FRMD4B: variants seen among roughly 807,000 people sequenced by gnomAD.
FRMD4B encodes the protein FERM domain containing 4B.
A neutral mutation model predicts 141.5 loss-of-function variants in FRMD4B; 74 were observed. That is an observed-to-expected ratio of 0.52 (90% CI 0.43 to 0.63). FRMD4B has a LOEUF of 0.63. Among genes scored for constraint, FRMD4B ranks in the 30% least tolerant of loss-of-function variants. The pLI, the probability that FRMD4B is intolerant of heterozygous loss-of-function variation, is 0.00. For synonymous variants in FRMD4B, 506 were observed against 467.9 expected (o/e 1.08, Z -1.05); for missense variants, 1,366 against 1,253.4 (o/e 1.09, Z -1.36).
intron 1 of FRMD4B, among the ~76,000 whole-genome samples, chr3:69,509,229 T>A (rs1706647904): frequency 2.0e-5 from 3 of 152,164 alleles, no homozygotes. Flanking sequence ...TCTGACCATT[T>A]TATTACCTCC....
At chr3:69,450,265 G>A (rs1262170399) in intron 1 of FRMD4B, among the ~76,000 whole-genome samples, 1 of 152,192 alleles carries the variant, frequency 6.6e-6, no homozygotes, top group Non-Finnish European at 1.5e-5. Flanking sequence ...GCTCTTGCCT[G>A]TAATCCCAGC....
chr3:69,306,956 A>G (rs903332489), intron 3 of FRMD4B, among the ~76,000 whole-genome samples: 3 of 152,206 alleles, frequency 2.0e-5, no homozygotes, highest in Non-Finnish European at 4.4e-5. Flanking sequence ...TGTGACCAAG[A>G]CATTCCAAGG....
At chr3:69,411,516 C>T (rs1296668668) in intron 2 of FRMD4B, among the ~76,000 whole-genome samples, 1 of 152,156 alleles carries the variant, frequency 6.6e-6, no homozygotes, top group Non-Finnish European at 1.5e-5. Context: ...ATATGAATCA[C>T]CCCAGGCTCC....
At chr3:69,364,544 A>G (rs1703580573) in intron 1 of FRMD4B, among the ~76,000 whole-genome samples, 1 of 152,178 alleles carries the variant, frequency 6.6e-6, no homozygotes, top group Non-Finnish European at 1.5e-5. Flanking sequence ...AAGTCTATAT[A>G]CAAACAAATC....
At chr3:69,336,568 C>A (rs1702558717) in intron 1 of FRMD4B, 1 of 152,358 alleles carries the variant, frequency 6.6e-6, no homozygotes, top group Non-Finnish European at 1.5e-5. Flanking sequence ...ATCCAAAAGG[C>A]TTTTGCACTG....
chr3:69,256,270 T>G lies in FRMD4B; in HGVS notation c.502-6171A>C, dbSNP rs75772091. ...ACTCACATCTCATTTCTCCTGAGGA[T>G]AGATCTACATGGAGGTAGGAATATG... On this transcript the variant is annotated intron_variant, in intron 5 of 22. Coordinates refer to ENST00000398540, the MANE Select transcript of FRMD4B (RefSeq NM_015123.3). Among the ~76,000 whole-genome samples the G allele has an allele frequency of 2.3e-3, 344 of 152,098 alleles. 1 individual carries two copies. Among genetic ancestry groups the G allele is most frequent in the African/African-American group, 8.0e-3 (332 of 41,468 alleles).
intron 7 of FRMD4B, among the ~76,000 whole-genome samples, chr3:69,239,738 GA>G (rs1489619261): frequency 6.6e-6 from 1 of 152,182 alleles, no homozygotes; most frequent in East Asian, 1.9e-4. Flanking sequence ...TTTCCAAGAT[GA>G]AAAAGTTCTG....
At chr3:69,357,664 T>G (rs1703361246) in intron 1 of FRMD4B, among the ~76,000 whole-genome samples, 1 of 152,206 alleles carries the variant, frequency 6.6e-6, no homozygotes, top group African/African-American at 2.4e-5. Context: ...AAACTATCAC[T>G]TTCATCACAG....
chr3:69,460,017 C>T (rs2106916958), intron 1 of FRMD4B, among the ~76,000 whole-genome samples: 1 of 152,282 alleles, frequency 6.6e-6, no homozygotes, highest in East Asian at 1.9e-4. Context: ...TAGTAAGGCA[C>T]TAGTAAATGT....
chr3:69,169,420 C>T lies in FRMD4B; in HGVS notation c.*2441G>A, dbSNP rs1000149990. On this transcript the variant is annotated 3_prime_UTR_variant, in exon 23 of 23. Coordinates refer to ENST00000398540, the MANE Select transcript of FRMD4B (RefSeq NM_015123.3). ...TTGCCTAGGCTGGAATGCAGTGGCACGATCCTGGCTCACTGCAACCTCCGC... is the reference window on the plus strand; with the variant it reads ...TTGCCTAGGCTGGAATGCAGTGGCATGATCCTGGCTCACTGCAACCTCCGC... Among the ~76,000 whole-genome samples, 10 of 146,420 alleles carry T rather than the reference C, an allele frequency of 6.8e-5. No individual in the cohort carries two copies. Among genetic ancestry groups the T allele is most frequent in the Non-Finnish European group, 1.5e-4 (10 of 67,238 alleles).
chr3:69,465,155 C>G (rs980042083), intron 1 of FRMD4B, among the ~76,000 whole-genome samples: 1 of 151,946 alleles, frequency 6.6e-6, no homozygotes, highest in Non-Finnish European at 1.5e-5. Context: ...CCCGTCTCTA[C>G]TAAAAATGCA....
At chr3:69,200,370 C>A in intron 11 of FRMD4B, 8 of 924,252 alleles carry the variant, frequency 8.7e-6, no homozygotes, top group Non-Finnish European at 1.0e-5. Flanking sequence ...AAGTTACATA[C>A]CCATTTCTTA....
At chr3:69,443,994 T>C (rs948642534) in intron 1 of FRMD4B, among the ~76,000 whole-genome samples, 2 of 152,130 alleles carry the variant, frequency 1.3e-5, no homozygotes, top group African/African-American at 2.4e-5. Flanking sequence ...TTCAGACTTT[T>C]GCATTTTGAT....
intron 4 of FRMD4B, among the ~76,000 whole-genome samples, chr3:69,295,774 C>T (rs1310327847): frequency 6.6e-6 from 1 of 151,990 alleles, no homozygotes; most frequent in Admixed American, 6.6e-5. Flanking sequence ...TTCTAATTTC[C>T]GTGTTCTCTA....
At chr3:69,490,910 C>T (rs1409303659) in intron 1 of FRMD4B, among the ~76,000 whole-genome samples, 2 of 152,074 alleles carry the variant, frequency 1.3e-5, no homozygotes, top group Non-Finnish European at 2.9e-5. Context: ...CTCCAAAACC[C>T]CACCCTCATT....
chr3:69,360,468 T>TC (rs1703441310), intron 1 of FRMD4B, among the ~76,000 whole-genome samples: 1 of 152,210 alleles, frequency 6.6e-6, no homozygotes, highest in Admixed American at 6.5e-5. Flanking sequence ...ATGTCTTTTT[T>TC]CCCCAAGTTT....
chr3:69,480,898 G>T (rs1024258633), intron 1 of FRMD4B, among the ~76,000 whole-genome samples: 2 of 152,232 alleles, frequency 1.3e-5, no homozygotes, highest in African/African-American at 4.8e-5. Flanking sequence ...GTTTACCTAA[G>T]CAAGCCTGGG....
intron 1 of FRMD4B, among the ~76,000 whole-genome samples, chr3:69,377,515 T>A (rs909782753): frequency 2.6e-5 from 4 of 152,194 alleles, no homozygotes; most frequent in African/African-American, 9.6e-5. Context: ...AGGTGCTTGA[T>A]GTGTTGCCCA....
At chr3:69,195,673 T>C (rs2092896090) in intron 14 of FRMD4B, among the ~76,000 whole-genome samples, 2 of 151,460 alleles carry the variant, frequency 1.3e-5, no homozygotes, top group Admixed American at 6.6e-5. Context: ...GAAGGTAAGA[T>C]GGTCCTTGAA....
Sources: gnomAD v4.1 joint callset for allele counts (sites outside exome capture counted in the v4.1 genomes callset) on GRCh38, gnomAD v4.1.1 for gene constraint, MANE v1.5 for transcripts, NCBI Gene and HGNC (gene_info 2026-07-23, HGNC 2026-07-21) for gene names.